LRP1B: variants seen among roughly 807,000 people sequenced by gnomAD.
The protein encoded by LRP1B is low-density lipoprotein receptor-related protein 1B.
A neutral mutation model predicts 556.6 loss-of-function variants in LRP1B; 217 were observed. The observed-to-expected ratio is 0.39, with a 90% CI of 0.35 to 0.44. The LOEUF (loss-of-function observed/expected upper bound fraction) is 0.44. LRP1B is among the 20% of genes least tolerant of loss of function. The pLI is 1.00. For missense variants in LRP1B, 5,053 were observed against 5,620.8 expected (o/e 0.90, Z 3.23); for synonymous variants, 2,047 against 1,865.8 (o/e 1.10, Z -2.50).
chr2:141,967,957 A>G (rs77607445), intron 1 of LRP1B, among the ~76,000 whole-genome samples: 2 of 151,716 alleles, frequency 1.3e-5, no homozygotes, highest in South Asian at 4.1e-4. Context: ...TTAAATTTTT[A>G]AAAAAAGTAT....
intron 1 of LRP1B, among the ~76,000 whole-genome samples, chr2:142,066,796 G>C (rs1461337894): frequency 6.6e-6 from 1 of 151,382 alleles, no homozygotes; most frequent in African/African-American, 2.4e-5. Flanking sequence ...TGTTACAGTG[G>C]TATACCACTT....
At chr2:140,631,105 G>A (rs368199492) in intron 41 of LRP1B, among the ~76,000 whole-genome samples, 180 of 152,240 alleles carry the variant, frequency 1.2e-3, no homozygotes, top group African/African-American at 4.2e-3. Flanking sequence ...AAAAAGACAA[G>A]GACATTAGAG....
chr2:141,976,575 T>A (rs1406440402), intron 1 of LRP1B, among the ~76,000 whole-genome samples: 1 of 152,132 alleles, frequency 6.6e-6, no homozygotes, highest in Non-Finnish European at 1.5e-5. Flanking sequence ...TCAATTCCCC[T>A]CAATACAAAG....
chr2:141,498,942 G>A (rs7569388), intron 2 of LRP1B, among the ~76,000 whole-genome samples: 5,800 of 151,872 alleles, frequency 0.038, 397 homozygotes, highest in African/African-American at 0.13. Context: ...TTCCATCCAG[G>A]GTATCATTTC....
intron 2 of LRP1B, among the ~76,000 whole-genome samples, chr2:141,803,583 C>T (rs1696080245): frequency 1.3e-5 from 2 of 152,054 alleles, no homozygotes; most frequent in African/African-American, 4.8e-5. Context: ...AGCTTTTCTA[C>T]CTAACGAAAA....
At chr2:141,337,868 T>A (rs1328328062) in intron 3 of LRP1B, among the ~76,000 whole-genome samples, 1 of 152,214 alleles carries the variant, frequency 6.6e-6, no homozygotes, top group Non-Finnish European at 1.5e-5. Context: ...AATGACAACA[T>A]GTTACAGGTG....
chr2:141,263,728 T>G lies in LRP1B; in HGVS notation c.344-9087A>C, dbSNP rs143553778. On this transcript the variant is annotated intron_variant, in intron 3 of 90. Transcript: ENST00000389484. ...AAAAAATATAGAACAACATTCCTTA[T>G]GAATATAGATGTGAAATTCTTCAAA... 2.7e-3 allele frequency among the ~76,000 whole-genome samples: 411 copies of G among 152,292 alleles called. 2 individuals are homozygous for G. The highest frequency in any genetic ancestry group is 9.3e-3 in the African/African-American group (388 of 41,562).
At chr2:141,063,731 T>C (rs1699403829) in intron 7 of LRP1B, among the ~76,000 whole-genome samples, 1 of 151,900 alleles carries the variant, frequency 6.6e-6, no homozygotes, top group South Asian at 2.1e-4. Context: ...GACTACCCAG[T>C]TTCACTCTTT....
At chr2:141,761,643 A>G (rs1256073332) in intron 2 of LRP1B, among the ~76,000 whole-genome samples, 2 of 152,188 alleles carry the variant, frequency 1.3e-5, no homozygotes, top group South Asian at 2.1e-4. Context: ...TACCTGTTGG[A>G]CACTGAACAG....
At chr2:140,842,583 T>C (rs548348552) in intron 29 of LRP1B, among the ~76,000 whole-genome samples, 1 of 152,128 alleles carries the variant, frequency 6.6e-6, no homozygotes, top group Non-Finnish European at 1.5e-5. Flanking sequence ...TTCTTATTTT[T>C]AGTTATCCTC....
intron 43 of LRP1B, among the ~76,000 whole-genome samples, chr2:140,553,857 G>C (rs999838362): frequency 1.3e-5 from 2 of 152,016 alleles, no homozygotes; most frequent in African/African-American, 2.4e-5. Context: ...TTTCATTAAA[G>C]AGGCAGATCC....
intron 17 of LRP1B, among the ~76,000 whole-genome samples, chr2:140,989,103 A>C (rs1697013288): frequency 6.6e-6 from 1 of 152,142 alleles, no homozygotes. Flanking sequence ...AATAATGTGC[A>C]TGAATAGAAA....
intron 35 of LRP1B, among the ~76,000 whole-genome samples, chr2:140,752,034 A>C (rs564700784): frequency 6.6e-6 from 1 of 152,034 alleles, no homozygotes; most frequent in South Asian, 2.1e-4. Context: ...GCCACTAAAT[A>C]GGCTGGGCGC....
intron 3 of LRP1B, among the ~76,000 whole-genome samples, chr2:141,376,670 GA>G (rs1482442871): frequency 6.6e-6 from 1 of 151,998 alleles, no homozygotes; most frequent in East Asian, 1.9e-4. Context: ...GTCCAACATA[GA>G]AAATTTAAAA....
At position 140,702,300 on chromosome 2, in the gene LRP1B, T is replaced by A. The variant is rs141898599; in HGVS notation, c.6151-8A>T. The A allele has an allele frequency of 1.1e-5, 17 of 1,612,834 alleles. No homozygotes were observed. In the Admixed American group the frequency reaches 2.8e-4, roughly 27 times the overall value. ...CCAGTACAATTTATTTTCCTAAATA[T>A]CGATTAAGAAGTAACGTTACAGACT... On this transcript the variant is annotated splice_polypyrimidine_tract_variant and splice_region_variant and intron_variant, in intron 38 of 90. Transcript: ENST00000389484.
chr2:140,540,272 T>TC (rs1244047275), intron 45 of LRP1B, among the ~76,000 whole-genome samples: 1 of 152,120 alleles, frequency 6.6e-6, no homozygotes, highest in East Asian at 1.9e-4. Context: ...ACAAGATATT[T>TC]CTCTCCTACC....
At chr2:140,488,914 A>G (rs986219995) in intron 57 of LRP1B, among the ~76,000 whole-genome samples, 2 of 151,818 alleles carry the variant, frequency 1.3e-5, no homozygotes, top group Non-Finnish European at 2.9e-5. Flanking sequence ...GAGGAGGGAG[A>G]AAGAGGAAAG....
At chr2:140,870,176 C>A (rs72988176) in intron 25 of LRP1B, among the ~76,000 whole-genome samples, 3,052 of 152,212 alleles carry the variant, frequency 0.02, 96 homozygotes, top group African/African-American at 0.068. Flanking sequence ...CCCAGACAGA[C>A]TTTTCATCTA....
At chr2:141,499,632 T>C (rs1236716482) in intron 2 of LRP1B, among the ~76,000 whole-genome samples, 1 of 152,014 alleles carries the variant, frequency 6.6e-6, no homozygotes, top group African/African-American at 2.4e-5. Context: ...GACTCAGATG[T>C]CACATTTTAA....
Sources: gnomAD v4.1 joint callset for allele counts (sites outside exome capture counted in the v4.1 genomes callset) on GRCh38, gnomAD v4.1.1 for gene constraint, MANE v1.5 for transcripts, NCBI Gene and HGNC (gene_info 2026-07-23, HGNC 2026-07-21) for gene names.